Variants in NRG3 observed in about 807,000 individuals in gnomAD.
NRG3 encodes pro-neuregulin-3, membrane-bound isoform.
NRG3 carries 31 observed loss-of-function variants against 66.9 expected under a neutral mutation model. The ratio of observed to expected loss-of-function variants is 0.46; its 90% CI spans 0.35 to 0.63. NRG3 has a LOEUF of 0.63. NRG3 is among the 20% of genes least tolerant of loss of function. The pLI, the probability that NRG3 is intolerant of heterozygous loss-of-function variation, is 0.00. For missense variants in NRG3, 910 were observed against 878.9 expected (o/e 1.04, Z -0.45); for synonymous variants, 393 against 359.4 (o/e 1.09, Z -1.06).
intron 1 of NRG3, among the ~76,000 whole-genome samples, chr10:82,206,898 C>T (rs181190939): frequency 6.6e-6 from 1 of 152,280 alleles, no homozygotes; most frequent in East Asian, 1.9e-4. Context: ...TCACGCCAAA[C>T]TTATGAGGTT....
At chr10:82,250,044 G>A (rs1387583619) in intron 1 of NRG3, among the ~76,000 whole-genome samples, 1 of 152,140 alleles carries the variant, frequency 6.6e-6, no homozygotes, top group African/African-American at 2.4e-5. Flanking sequence ...GTCCTGGCTT[G>A]TTATCCCCCA....
intron 2 of NRG3, among the ~76,000 whole-genome samples, chr10:82,400,124 T>C (rs2086981412): frequency 1.3e-5 from 2 of 152,132 alleles, no homozygotes; most frequent in South Asian, 2.1e-4. Flanking sequence ...AGATAACATA[T>C]ATAATTATCC....
chr10:82,406,708 C>T lies in NRG3; in HGVS notation c.953+47840C>T, dbSNP rs1408535305. Among the ~76,000 whole-genome samples the T allele has an allele frequency of 2.0e-5, 3 of 152,094 alleles. No individual in the cohort carries two copies. The East Asian group carries it at 5.8e-4, about 29-fold the overall frequency. ...GTGATAGAATACTACATTCTGACTC[C>T]TGAGGATTTTTTTTCTTATTAATAT... On this transcript the variant is annotated intron_variant, in intron 2 of 8. Coordinates refer to ENST00000372141, the MANE Select transcript of NRG3 (RefSeq NM_001010848.4).
intron 1 of NRG3, among the ~76,000 whole-genome samples, chr10:82,132,933 CT>C (rs1483981204): frequency 6.6e-6 from 1 of 151,538 alleles, no homozygotes; most frequent in Admixed American, 6.6e-5. Context: ...CTTTTTCAAT[CT>C]CTGATTTATT....
At chr10:82,081,549 A>C (rs1373902292) in intron 1 of NRG3, among the ~76,000 whole-genome samples, 3 of 152,210 alleles carry the variant, frequency 2.0e-5, no homozygotes, top group Non-Finnish European at 4.4e-5. Flanking sequence ...CTAGGTTAAC[A>C]GTCTTTCTAG....
At chr10:81,937,721 C>T (rs1316961597) in intron 1 of NRG3, among the ~76,000 whole-genome samples, 1 of 152,048 alleles carries the variant, frequency 6.6e-6, no homozygotes, top group African/African-American at 2.4e-5. Flanking sequence ...GTGTTGACTG[C>T]TTTCCTGTGC....
chr10:82,952,929 A>G (rs995618324), intron 5 of NRG3, among the ~76,000 whole-genome samples: 1 of 151,998 alleles, frequency 6.6e-6, no homozygotes, highest in Admixed American at 6.5e-5. Context: ...AATAGAACAG[A>G]CAGTTTCTAT....
At chr10:82,460,183 A>T (rs1228146775) in intron 2 of NRG3, among the ~76,000 whole-genome samples, 1 of 152,116 alleles carries the variant, frequency 6.6e-6, no homozygotes. Flanking sequence ...ACTGACATCA[A>T]GATATGTTTT....
At chr10:82,324,547 G>T (rs549725562) in intron 1 of NRG3, among the ~76,000 whole-genome samples, 1 of 151,972 alleles carries the variant, frequency 6.6e-6, no homozygotes, top group Non-Finnish European at 1.5e-5. Context: ...TCTAATATAG[G>T]TTACCAGTGC....
chr10:82,707,846 TAAA>T (rs373670610), intron 2 of NRG3, among the ~76,000 whole-genome samples: 2 of 82,652 alleles, frequency 2.4e-5, no homozygotes, highest in Non-Finnish European at 2.2e-5. Context: ...TCATCTCTAC[TAAA>T]AAAAAAAAAA....
intron 1 of NRG3, among the ~76,000 whole-genome samples, chr10:82,192,911 T>C (rs2074237756): frequency 1.3e-5 from 2 of 152,066 alleles, no homozygotes; most frequent in South Asian, 4.2e-4. Context: ...AGACATGATA[T>C]TCAGCTTGAG....
chr10:82,359,797 G>A (rs999575459), intron 2 of NRG3, among the ~76,000 whole-genome samples: 1 of 152,054 alleles, frequency 6.6e-6, no homozygotes, highest in African/African-American at 2.4e-5. Context: ...GGAAAATTAT[G>A]ACTTTTTTCT....
intron 2 of NRG3, among the ~76,000 whole-genome samples, chr10:82,658,151 T>C (rs191628647): frequency 1.3e-5 from 2 of 152,248 alleles, no homozygotes; most frequent in African/African-American, 4.8e-5. Flanking sequence ...AGTCCTTAAT[T>C]ATTTAGAAAA....
Position 81,876,029 on chromosome 10 carries a change from C to T in NRG3, c.689C>T (p.Ala230Val), listed in dbSNP as rs199873479. The stretch of plus-strand genomic sequence containing the variant: ...CCCTCCTGGCCTACTGCGGCATACG[C>T]TACCTCCTCCTACCTTCACGATTCT... ...AMPSWPTAAY[A>V]TSSYLHDSTP... The change falls in exon 1 of 9, where the codon GCT becomes GTT. Residue 230 changes from alanine (A) to valine (V), a missense_variant. Physicochemically the swap from Ala to Val is moderately conservative, Grantham distance 64. Coordinates refer to ENST00000372141, the MANE Select transcript of NRG3 (RefSeq NM_001010848.4). 6.3e-5 allele frequency: 102 copies of T among 1,613,988 alleles called. 1 individual carries two copies. The East Asian group carries it at 2.1e-3, about 34-fold the overall frequency.
chr10:82,936,916 T>A (rs1396977891), intron 4 of NRG3, among the ~76,000 whole-genome samples: 1 of 152,092 alleles, frequency 6.6e-6, no homozygotes. Context: ...TTTACATATA[T>A]CCTTAAGATA....
In NRG3 at chr10:82,604,551, C is replaced by T. The variant is rs529825595; in HGVS notation, c.954-134026C>T. ...TCAAACTCATGTTTGTAATTACCAA[C>T]GAGTGCAATGTTTGGATCACACTGA... On this transcript the variant is annotated intron_variant, in intron 2 of 8. Transcript: ENST00000372141. Among the ~76,000 whole-genome samples the T allele has an allele frequency of 1.7e-4, 26 of 152,196 alleles. No homozygotes were observed. The South Asian group carries it at 5.0e-3, about 29-fold the overall frequency.
chr10:82,052,680 C>T (rs1007308283), intron 1 of NRG3, among the ~76,000 whole-genome samples: 1 of 152,010 alleles, frequency 6.6e-6, no homozygotes, highest in African/African-American at 2.4e-5. Flanking sequence ...AAACTAATAG[C>T]GTGTAGCTTA....
intron 1 of NRG3, among the ~76,000 whole-genome samples, chr10:81,885,824 G>T (rs1168609878): frequency 1.3e-5 from 2 of 152,058 alleles, no homozygotes; most frequent in Non-Finnish European, 2.9e-5. Context: ...GGGGCCACTG[G>T]GGTTGTTTGC....
chr10:82,424,381 G>A (rs901947689), intron 2 of NRG3, among the ~76,000 whole-genome samples: 3 of 151,948 alleles, frequency 2.0e-5, no homozygotes, highest in Non-Finnish European at 4.4e-5. Context: ...AGGTTTTGAT[G>A]TGCATTTCTT....
Sources: gnomAD v4.1 joint callset for allele counts (sites outside exome capture counted in the v4.1 genomes callset) on GRCh38, gnomAD v4.1.1 for gene constraint, MANE v1.5 for transcripts, NCBI Gene and HGNC (gene_info 2026-07-23, HGNC 2026-07-21) for gene names.